The following EFNA1 variants were observed in gnomAD, a reference collection of about 807,000 sequenced individuals.
The protein encoded by EFNA1 is ephrin A1.
A neutral mutation model predicts 23.2 loss-of-function variants in EFNA1; 8 were observed. The ratio of observed to expected loss-of-function variants is 0.34; its 90% CI spans 0.20 to 0.62. The LOEUF is 0.62. EFNA1 is among the 20% of genes least tolerant of loss of function. The probability of loss-of-function intolerance (pLI) is 0.75; values close to 1 mark genes in which losing one functional copy is unlikely to be tolerated. For synonymous variants in EFNA1, 89 were observed against 98.6 expected, an observed-to-expected ratio of 0.90 and a Z score of 0.58; for missense variants, 217 against 260.0, an observed-to-expected ratio of 0.83 and a Z score of 1.14.
chr1:155,129,102 G>A (rs1002525952), intron 1 of EFNA1, among the ~76,000 whole-genome samples: 7 of 152,274 alleles, frequency 4.6e-5, no homozygotes, highest in Non-Finnish European at 1.0e-4. Context: ...GTTAGGGTGG[G>A]GGAGAGAACA....
chr1:155,133,591 C>T, intron 3 of EFNA1, 23 bp downstream of exon 3: 2 of 1,613,330 alleles, frequency 1.2e-6, no homozygotes, highest in Non-Finnish European at 1.7e-6. Context: ...GCCCTGTGGG[C>T]CTCCTTCCTC....
chr1:155,130,876 T>C, intron 1 of EFNA1: 1 of 985,212 alleles, frequency 1.0e-6, no homozygotes, highest in Non-Finnish European at 1.2e-6. Flanking sequence ...CAGGCTAGCA[T>C]GGTAAAGAGA....
chr1:155,128,393 G>A (rs757909359), intron 1 of EFNA1, among the ~76,000 whole-genome samples: 5 of 151,926 alleles, frequency 3.3e-5, no homozygotes, highest in Non-Finnish European at 4.4e-5. Context: ...CCTTGTTCCA[G>A]GCCCCCCACC....
rs1325110039 is a variant in EFNA1, at chr1:155,131,544, G to A, written c.298G>A (p.Gly100Ser). Reference protein sequence around the residue: ...WQCNRPSAKHGPEKLSEKFQR... With the variant: ...WQCNRPSAKHSPEKLSEKFQR... ...GTGCAACCGGCCCAGTGCCAAGCATGGCCCGGAGAAGCTGTCTGAGAAGTT... is the reference window on the plus strand; with the variant it reads ...GTGCAACCGGCCCAGTGCCAAGCATAGCCCGGAGAAGCTGTCTGAGAAGTT... Residue 100 changes from glycine (G) to serine (S), a missense_variant, in exon 2 of 5, where the codon GGC (glycine) becomes AGC (serine). By Grantham distance (56) the Gly-to-Ser change is moderately conservative. Transcript: ENST00000368407. The A allele has an allele frequency of 1.2e-6, 2 of 1,613,896 alleles. No individual in the cohort carries two copies. Among genetic ancestry groups the A allele is most frequent in the Non-Finnish European group, 8.5e-7 (1 of 1,179,984 alleles).
Position 155,132,217 on chromosome 1 carries a change from G to A in EFNA1, c.388+583G>A, listed in dbSNP as rs1013287096. 2.6e-5 allele frequency among the ~76,000 whole-genome samples: 4 copies of A among 152,080 alleles called. 1 individual carries two copies. The highest frequency in any genetic ancestry group is 2.0e-4 in the Admixed American group (3 of 15,254). ...TTTGGACTTTATCCTGAGGGCTCTC[G>A]CCACTGATGGGTTTTATTTTATTTT... is the stretch of plus-strand genomic sequence containing the variant. On this transcript the variant is annotated intron_variant, in intron 2 of 4. Coordinates refer to ENST00000368407, the MANE Select transcript of EFNA1 (RefSeq NM_004428.3).
At chr1:155,131,245 G>C (rs1404508754) in intron 1 of EFNA1, 94 bp from the exon 2 acceptor site, 3 of 1,476,986 alleles carry the variant, frequency 2.0e-6, no homozygotes, top group Middle Eastern at 2.4e-4. Context: ...GGTCCAGTGT[G>C]AAATGTGAGA....
At position 155,131,471 on chromosome 1, in the gene EFNA1, G is replaced by A. The variant is rs1288184452; in HGVS notation, c.225G>A (p.Glu75=). 3 of 1,613,812 alleles carry A rather than the reference G, an allele frequency of 1.9e-6. No homozygotes were observed. Among genetic ancestry groups the A allele is most frequent in the Admixed American group, 1.7e-5 (1 of 59,944 alleles). Residue 75 remains glutamate, a synonymous_variant, in exon 2 of 5, where the codon GAG becomes GAA. Transcript: ENST00000368407. ...EQYILYLVEH[E]EYQLCQPQSK... Reference sequence around the variant, plus strand: ...ACATACTGTACCTGGTGGAGCATGAGGAGTACCAGCTGTGCCAGCCCCAGT... The same window carrying A: ...ACATACTGTACCTGGTGGAGCATGAAGAGTACCAGCTGTGCCAGCCCCAGT...
rs1273315508 is a variant in EFNA1, at chr1:155,133,563, A to C, written c.449A>C (p.Lys150Thr). 1.2e-6 allele frequency: 2 copies of C among 1,613,704 alleles called. No individual in the cohort carries two copies. Among genetic ancestry groups the C allele is most frequent in the African/African-American group, 2.7e-5 (2 of 74,804 alleles). ...CLRLKVTVSGKITHSPQAHDN... is the reference protein window; with the variant it reads ...CLRLKVTVSGTITHSPQAHDN... ...AGGTTGAAGGTGACTGTCAGTGGCA[A>C]AATCAGTGAGTGTCAGAGCCCTGTG... is the stretch of plus-strand genomic sequence containing the variant. The change falls in exon 3 of 5, where the codon AAA becomes ACA. Residue 150 changes from lysine (K) to threonine (T), a missense_variant. Lys to Thr is a moderately conservative substitution (Grantham distance 78). Transcript: ENST00000368407.
At position 155,134,363 on chromosome 1, in the gene EFNA1, A is replaced by T. The variant is rs1354085020; in HGVS notation, c.*296A>T. On this transcript the variant is annotated 3_prime_UTR_variant, in exon 5 of 5. Coordinates refer to ENST00000368407, the MANE Select transcript of EFNA1 (RefSeq NM_004428.3). ...AGCCAAAGAAACAAGCTGTGCAGGC[A>T]TGGTCCCTTAAGGCACAGTGGGAGC... is the stretch of plus-strand genomic sequence containing the variant. 1 of 448,552 alleles carries T rather than the reference A, an allele frequency of 2.2e-6. No homozygotes were observed. The highest frequency in any genetic ancestry group is 4.2e-6 in the Non-Finnish European group (1 of 240,318). 27.8% of individuals were successfully genotyped at this position (448,552 alleles called of 1,614,324 possible).
chr1:155,133,029 G>A (rs1246051688), intron 2 of EFNA1, among the ~76,000 whole-genome samples: 1 of 151,850 alleles, frequency 6.6e-6, no homozygotes, highest in Non-Finnish European at 1.5e-5. Context: ...TTCTGCCTCA[G>A]CCTCCCGAGT....
intron 2 of EFNA1, among the ~76,000 whole-genome samples, chr1:155,132,541 C>T (rs769863551): frequency 6.6e-6 from 1 of 151,674 alleles, no homozygotes; most frequent in African/African-American, 2.4e-5. Context: ...AACCACCGCG[C>T]ATGGCCTGAT....
At chr1:155,133,254 T>C (rs1664277066) in intron 2 of EFNA1, among the ~76,000 whole-genome samples, 1 of 152,018 alleles carries the variant, frequency 6.6e-6, no homozygotes, top group African/African-American at 2.4e-5. Flanking sequence ...ATATTCAGAC[T>C]CGGAGGAATG....
rs1664141828 is a variant in EFNA1, at chr1:155,128,185, G to T, written c.92+116G>T. On this transcript the variant is annotated intron_variant, in intron 1 of 4. Coordinates refer to ENST00000368407, the MANE Select transcript of EFNA1 (RefSeq NM_004428.3). ...TAGAGTAGATGACCGAGGTAGGAGG[G>T]CGGCTGTAGATTTTCCTCCCCTCAC... is the stretch of plus-strand genomic sequence containing the variant. 13 of 890,748 alleles carry T rather than the reference G, an allele frequency of 1.5e-5. No homozygotes were observed. In the South Asian group the frequency reaches 2.0e-4, roughly 14 times the overall value. The allele number at this position is 890,748 out of a possible 1,614,324, so 55.2% of individuals were successfully genotyped here. A position where few individuals can be genotyped will look rare whatever the true frequency, so the allele number is the denominator to read the frequency against.
At position 155,134,082 on chromosome 1, in the gene EFNA1, C is replaced by G. The variant is rs1664314307; in HGVS notation, c.*15C>G. On this transcript the variant is annotated 3_prime_UTR_variant, in exon 5 of 5. Transcript: ENST00000368407. ...AAACCCCGTGAAGGTGTATGCCACA[C>G]CTGGCCTTAAAGAGGGACAGGCTGA... 1.9e-6 allele frequency: 3 copies of G among 1,611,914 alleles called. No homozygotes were observed. Among genetic ancestry groups the G allele is most frequent in the Non-Finnish European group, 2.5e-6 (3 of 1,178,856 alleles).
intron 2 of EFNA1, among the ~76,000 whole-genome samples, chr1:155,132,658 A>G (rs1664265512): frequency 1.3e-5 from 2 of 151,366 alleles, no homozygotes; most frequent in Middle Eastern, 3.4e-3. Context: ...TGAAACCCCA[A>G]CTCTACTAAA....
chr1:155,130,484 G>A, intron 1 of EFNA1: 1 of 978,458 alleles, frequency 1.0e-6, no homozygotes, highest in African/African-American at 1.8e-5. Context: ...GGAGGGGAGA[G>A]GGGGAGAGGA....
chr1:155,129,743 G>A (rs1207711242), intron 1 of EFNA1: 1 of 152,488 alleles, frequency 6.6e-6, no homozygotes, highest in African/African-American at 2.4e-5. Context: ...ATGCTGAGAA[G>A]GGCGCCAGCC....
intron 1 of EFNA1, among the ~76,000 whole-genome samples, chr1:155,130,315 G>A (rs1412592296): frequency 1.6e-4 from 24 of 152,156 alleles, no homozygotes; most frequent in Non-Finnish European, 2.9e-5. Context: ...TTGCGGGGTC[G>A]GGGGAAGCAC....
At chr1:155,133,622 T>C (rs1664291206) in intron 3 of EFNA1, 54 bp downstream of exon 3, 2 of 1,609,800 alleles carry the variant, frequency 1.2e-6, no homozygotes, top group African/African-American at 2.7e-5. Context: ...CTGGGTGCGG[T>C]CTAGTGATCT....
Sources: allele counts gnomAD v4.1 joint callset (sites outside exome capture counted in the v4.1 genomes callset), GRCh38; gene constraint gnomAD v4.1.1; transcripts MANE v1.5; gene names NCBI Gene and HGNC (gene_info 2026-07-23, HGNC 2026-07-21).